The following RORA variants were observed in gnomAD, a reference collection of about 807,000 sequenced individuals.
The protein encoded by RORA is nuclear receptor ROR-alpha.
A neutral mutation model predicts 69.5 loss-of-function variants in RORA; 7 were observed. The observed-to-expected ratio is 0.10, with a 90% CI of 0.06 to 0.19. The LOEUF is 0.19. Ranked by LOEUF, RORA falls within the 10% of genes least tolerant of loss-of-function variation. The pLI is 1.00. For synonymous variants in RORA, 261 were observed against 240.8 expected, an observed-to-expected ratio of 1.08 and a Z score of -0.78; for missense variants, 457 against 663.0, an observed-to-expected ratio of 0.69 and a Z score of 3.41.
At chr15:61,221,376 C>T (rs932670183) in intron 1 of RORA, among the ~76,000 whole-genome samples, 4 of 151,798 alleles carry the variant, frequency 2.6e-5, no homozygotes, top group African/African-American at 9.7e-5. Flanking sequence ...CCCTCATTTC[C>T]CCCTCATTCT....
rs551026992 is a variant in RORA at position 61,005,979 on chromosome 15, GTTTT to G, written c.166+223070_166+223073del. 2.2e-4 allele frequency among the ~76,000 whole-genome samples: 32 copies of G among 146,450 alleles called. 1 individual carries two copies. The highest frequency in any genetic ancestry group is 2.2e-3 in the Admixed American group (32 of 14,796). ...TGTTTGTTTTGTTTTGTTTTGTTTTGTTTTTTTTGAGAAGGAGTCTCGCTCTGTC... is the reference window on the plus strand; with the variant it reads ...TGTTTGTTTTGTTTTGTTTTGTTTTGTTTTGAGAAGGAGTCTCGCTCTGTC... On this transcript the variant is annotated intron_variant, in intron 1 of 10. Coordinates refer to ENST00000335670, the MANE Select transcript of RORA (RefSeq NM_134261.3).
At chr15:60,880,314 G>A (rs2073664532) in intron 1 of RORA, among the ~76,000 whole-genome samples, 1 of 152,088 alleles carries the variant, frequency 6.6e-6, no homozygotes, top group South Asian at 2.1e-4. Context: ...ATTTCTATTA[G>A]GTCAACCCTA....
At chr15:61,151,414 TCTC>T (rs1404248171) in intron 1 of RORA, among the ~76,000 whole-genome samples, 2 of 152,194 alleles carry the variant, frequency 1.3e-5, no homozygotes, top group Non-Finnish European at 2.9e-5. Context: ...TTCAGTACCT[TCTC>T]CTTTTCTTTT....
chr15:60,542,220 A>G (rs1044726241), intron 2 of RORA, among the ~76,000 whole-genome samples: 3 of 152,200 alleles, frequency 2.0e-5, no homozygotes, highest in Admixed American at 1.3e-4. Flanking sequence ...CTGATTGCTA[A>G]CAGCTGCTGT....
chr15:61,167,782 C>T (rs1267934086), intron 1 of RORA, among the ~76,000 whole-genome samples: 3 of 152,166 alleles, frequency 2.0e-5, no homozygotes, highest in African/African-American at 7.2e-5. Flanking sequence ...TCTGTAGAAC[C>T]GAAATCTTTT....
intron 1 of RORA, among the ~76,000 whole-genome samples, chr15:61,023,542 G>T (rs1453590271): frequency 6.6e-6 from 1 of 152,188 alleles, no homozygotes; most frequent in Non-Finnish European, 1.5e-5. Flanking sequence ...AGTTCCAGAT[G>T]AGATTTGGGT....
intron 1 of RORA, among the ~76,000 whole-genome samples, chr15:60,872,189 T>C (rs1221617707): frequency 6.6e-6 from 1 of 152,188 alleles, no homozygotes; most frequent in Non-Finnish European, 1.5e-5. Flanking sequence ...TAAGCTGTGA[T>C]CTTGCATTGG....
chr15:60,672,596 G>C (rs2070490847), intron 2 of RORA, among the ~76,000 whole-genome samples: 1 of 152,172 alleles, frequency 6.6e-6, no homozygotes, highest in South Asian at 2.1e-4. Context: ...GCACAAGGGG[G>C]CAATCTACTC....
At chr15:60,771,134 C>T (rs2072066739) in intron 1 of RORA, among the ~76,000 whole-genome samples, 2 of 152,120 alleles carry the variant, frequency 1.3e-5, no homozygotes, top group South Asian at 4.2e-4. Context: ...TTCTGGGTCC[C>T]CCATAGACTG....
intron 1 of RORA, among the ~76,000 whole-genome samples, chr15:60,778,513 T>C (rs1040195036): frequency 4.6e-5 from 7 of 152,150 alleles, no homozygotes; most frequent in Non-Finnish European, 8.8e-5. Flanking sequence ...GACAACAGGA[T>C]GGATTAGCAG....
At chr15:61,140,325 G>A (rs2079286148) in intron 1 of RORA, among the ~76,000 whole-genome samples, 1 of 152,186 alleles carries the variant, frequency 6.6e-6, no homozygotes, top group African/African-American at 2.4e-5. Context: ...AAGGAATTAT[G>A]TTGCCTGGTA....
rs1647979 is a variant in RORA at position 60,647,452 on chromosome 15, C to T, written c.196+31205G>A. On this transcript the variant is annotated intron_variant, in intron 2 of 10. Transcript: ENST00000335670. ...GGAAGACCTTGGCAGATTCAGCCAGCGTTTTGATCACTGCCAGAGCCTGCA... is the reference window on the plus strand; with the variant it reads ...GGAAGACCTTGGCAGATTCAGCCAGTGTTTTGATCACTGCCAGAGCCTGCA... Among the ~76,000 whole-genome samples the T allele has an allele frequency of 3.9e-3, 591 of 152,272 alleles. 3 individuals are homozygous for T. The highest frequency in any genetic ancestry group is 0.013 in the African/African-American group (544 of 41,542).
At chr15:60,944,622 G>A (rs1436721074) in intron 1 of RORA, among the ~76,000 whole-genome samples, 1 of 150,840 alleles carries the variant, frequency 6.6e-6, no homozygotes, top group African/African-American at 2.4e-5. Context: ...CTACTTAGGA[G>A]GCTGAGGTGA....
intron 1 of RORA, among the ~76,000 whole-genome samples, chr15:60,701,545 T>C (rs2140792236): frequency 6.6e-6 from 1 of 152,312 alleles, no homozygotes; most frequent in Non-Finnish European, 1.5e-5. Flanking sequence ...CCCCTGTAAC[T>C]GTGAGAATGC....
chr15:60,644,407 G>A (rs779430577), intron 2 of RORA, among the ~76,000 whole-genome samples: 7 of 152,176 alleles, frequency 4.6e-5, no homozygotes, highest in Non-Finnish European at 1.0e-4. Flanking sequence ...GGGGGCTGAC[G>A]GCCCCAGATA....
intron 2 of RORA, among the ~76,000 whole-genome samples, chr15:60,547,109 T>A (rs1325419240): frequency 6.6e-6 from 1 of 152,194 alleles, no homozygotes; most frequent in Non-Finnish European, 1.5e-5. Context: ...TTGTCTTCAT[T>A]GTCATCCACT....
chr15:60,769,092 C>T (rs991400589), intron 1 of RORA, among the ~76,000 whole-genome samples: 4 of 152,192 alleles, frequency 2.6e-5, no homozygotes, highest in South Asian at 4.1e-4. Context: ...AACGATTTTA[C>T]CTGGTGTGAA....
intron 1 of RORA, among the ~76,000 whole-genome samples, chr15:61,158,221 G>A (rs949105044): frequency 6.6e-6 from 1 of 152,174 alleles, no homozygotes; most frequent in African/African-American, 2.4e-5. Flanking sequence ...CGAAGTGACA[G>A]TGTGGAGTTT....
intron 1 of RORA, among the ~76,000 whole-genome samples, chr15:60,766,333 A>G (rs961764749): frequency 6.6e-6 from 1 of 152,164 alleles, no homozygotes; most frequent in African/African-American, 2.4e-5. Flanking sequence ...AGATTCCAAA[A>G]TTAGTAAAAA....
Sources: allele counts gnomAD v4.1 joint callset (sites outside exome capture counted in the v4.1 genomes callset), GRCh38; gene constraint gnomAD v4.1.1; transcripts MANE v1.5; gene names NCBI Gene and HGNC (gene_info 2026-07-23, HGNC 2026-07-21).